The following PPM1L variants were observed in gnomAD, a reference collection of about 807,000 sequenced individuals.
PPM1L encodes the protein protein phosphatase 1L.
A neutral mutation model predicts 31.4 loss-of-function variants in PPM1L; 13 were observed. The ratio of observed to expected loss-of-function variants is 0.41; its 90% CI spans 0.27 to 0.66. The LOEUF is 0.66. Ranked by LOEUF, PPM1L falls within the 30% of genes least tolerant of loss-of-function variation. PPM1L has a pLI of 0.29. For synonymous variants in PPM1L, 184 were observed against 175.4 expected (o/e 1.05, Z -0.39); for missense variants, 326 against 453.7 (o/e 0.72, Z 2.56).
chr3:160,759,082 A>G (rs1022350817), intron 1 of PPM1L, among the ~76,000 whole-genome samples: 1 of 152,192 alleles, frequency 6.6e-6, no homozygotes, highest in Non-Finnish European at 1.5e-5. Context: ...ATATCATTCA[A>G]AATCCTACCA....
At chr3:161,062,600 C>T (rs2108107870) in intron 2 of PPM1L, among the ~76,000 whole-genome samples, 1 of 152,312 alleles carries the variant, frequency 6.6e-6, no homozygotes, top group Middle Eastern at 3.4e-3. Flanking sequence ...GTGTCACTAT[C>T]CTGCTTAAAA....
intron 1 of PPM1L, among the ~76,000 whole-genome samples, chr3:160,873,679 C>G (rs936934840): frequency 6.6e-6 from 1 of 152,072 alleles, no homozygotes; most frequent in Admixed American, 6.6e-5. Flanking sequence ...TCCTGAGAAG[C>G]TGGGACTACA....
chr3:160,757,088 T>G (rs1053715450), intron 1 of PPM1L, among the ~76,000 whole-genome samples: 1 of 152,196 alleles, frequency 6.6e-6, no homozygotes, highest in East Asian at 1.9e-4. Context: ...GCCCTTGTTC[T>G]AGGGTTTGAG....
At chr3:160,903,202 GTA>G (rs1713615732) in intron 1 of PPM1L, among the ~76,000 whole-genome samples, 1 of 83,000 alleles carries the variant, frequency 1.2e-5, no homozygotes, top group African/African-American at 5.0e-5. Flanking sequence ...TGGTATGTGT[GTA>G]TGTTTGTGTG....
intron 1 of PPM1L, among the ~76,000 whole-genome samples, chr3:160,877,716 G>T (rs1209275674): frequency 6.6e-6 from 1 of 152,188 alleles, no homozygotes; most frequent in Non-Finnish European, 1.5e-5. Flanking sequence ...ACCTGAGGAG[G>T]TGATGTCTGA....
At chr3:160,835,899 A>G (rs959531863) in intron 1 of PPM1L, among the ~76,000 whole-genome samples, 1 of 152,032 alleles carries the variant, frequency 6.6e-6, no homozygotes, top group African/African-American at 2.4e-5. Context: ...CTCTTACTGT[A>G]AATCACAGTG....
In PPM1L at chr3:160,763,787, G is replaced by A. The variant is rs551671366; in HGVS notation, c.399+7080G>A. On this transcript the variant is annotated intron_variant, in intron 1 of 3. Coordinates refer to ENST00000498165, the MANE Select transcript of PPM1L (RefSeq NM_139245.4). ...GGGGAGAGGGTCAATTGGGAAGCTTGAGACAGAGCAGTGAAGATGAAACTC... is the reference window on the plus strand; with the variant it reads ...GGGGAGAGGGTCAATTGGGAAGCTTAAGACAGAGCAGTGAAGATGAAACTC... Among the ~76,000 whole-genome samples, 182 of 152,286 alleles carry A rather than the reference G, an allele frequency of 1.2e-3. 1 individual carries two copies. Among genetic ancestry groups the A allele is most frequent in the African/African-American group, 3.8e-3 (159 of 41,562 alleles).
chr3:161,037,946 G>A (rs1289429070), intron 2 of PPM1L, among the ~76,000 whole-genome samples: 2 of 151,996 alleles, frequency 1.3e-5, no homozygotes, highest in Non-Finnish European at 2.9e-5. Context: ...AAAAATGTAT[G>A]ACAGTGGCCG....
intron 1 of PPM1L, among the ~76,000 whole-genome samples, chr3:160,920,902 A>G (rs781485434): frequency 6.6e-6 from 1 of 152,158 alleles, no homozygotes; most frequent in Non-Finnish European, 1.5e-5. Flanking sequence ...CCTGCATTAT[A>G]AGATGGCCAC....
intron 1 of PPM1L, among the ~76,000 whole-genome samples, chr3:160,871,643 G>A (rs1712310222): frequency 6.6e-6 from 1 of 152,136 alleles, no homozygotes; most frequent in African/African-American, 2.4e-5. Flanking sequence ...GATATGGAAT[G>A]GTTAGTATGT....
At chr3:160,770,860 C>T (rs1416210612) in intron 1 of PPM1L, among the ~76,000 whole-genome samples, 1 of 152,142 alleles carries the variant, frequency 6.6e-6, no homozygotes, top group African/African-American at 2.4e-5. Context: ...CTAGTTTCTA[C>T]TATCTGTCCT....
rs1383420613 is a variant in PPM1L, at chr3:160,840,744, G to A, written c.399+84037G>A. 2.7e-5 allele frequency among the ~76,000 whole-genome samples: 4 copies of A among 146,440 alleles called. No homozygotes were observed. In the East Asian group the frequency reaches 7.8e-4, roughly 29 times the overall value. On this transcript the variant is annotated intron_variant, in intron 1 of 3. Coordinates refer to ENST00000498165, the MANE Select transcript of PPM1L (RefSeq NM_139245.4). ...GGAGAGAGAGAGAGAGAGAGAGAAG[G>A]AGAGAGAGAAAGAAGGAGAGAGAGA...
chr3:161,058,911 A>C (rs1264866364), intron 2 of PPM1L, among the ~76,000 whole-genome samples: 2 of 152,180 alleles, frequency 1.3e-5, no homozygotes, highest in Non-Finnish European at 2.9e-5. Context: ...CTACTTGTCA[A>C]ATGAATTAAT....
chr3:160,906,792 G>A (rs1009204729), intron 1 of PPM1L, among the ~76,000 whole-genome samples: 1 of 152,132 alleles, frequency 6.6e-6, no homozygotes, highest in Non-Finnish European at 1.5e-5. Flanking sequence ...TTAATTCCTT[G>A]TGGGATATTG....
At chr3:160,835,422 T>A (rs1713685603) in intron 1 of PPM1L, among the ~76,000 whole-genome samples, 1 of 152,158 alleles carries the variant, frequency 6.6e-6, no homozygotes, top group Non-Finnish European at 1.5e-5. Context: ...ATTTTTAGAA[T>A]AACTAAATTT....
intron 1 of PPM1L, among the ~76,000 whole-genome samples, chr3:160,957,679 C>T (rs1344676475): frequency 6.6e-6 from 1 of 150,680 alleles, no homozygotes; most frequent in Non-Finnish European, 1.5e-5. Context: ...CCAGGTTCAC[C>T]CATTCTCCTG....
chr3:160,956,328 A>G (rs932198764), intron 1 of PPM1L, among the ~76,000 whole-genome samples: 3 of 152,162 alleles, frequency 2.0e-5, no homozygotes, highest in Non-Finnish European at 2.9e-5. Flanking sequence ...TTTTTACTCT[A>G]GCTGTTGCCG....
chr3:160,803,854 T>G (rs1443413961), intron 1 of PPM1L, among the ~76,000 whole-genome samples: 1 of 152,246 alleles, frequency 6.6e-6, no homozygotes, highest in African/African-American at 2.4e-5. Context: ...TACGTAGTAT[T>G]TAATCTTTAA....
intron 1 of PPM1L, among the ~76,000 whole-genome samples, chr3:160,836,239 A>G (rs971410485): frequency 3.3e-5 from 5 of 151,770 alleles, no homozygotes; most frequent in African/African-American, 1.2e-4. Context: ...AAGAGAGAGT[A>G]TTTTTAAGAA....
Sources: allele counts gnomAD v4.1 joint callset (sites outside exome capture counted in the v4.1 genomes callset), GRCh38; gene constraint gnomAD v4.1.1; transcripts MANE v1.5; gene names NCBI Gene and HGNC (gene_info 2026-07-23, HGNC 2026-07-21).